The following FAAH2 variants were observed in gnomAD, a reference collection of about 807,000 sequenced individuals.
The protein encoded by FAAH2 is fatty acid amide hydrolase 2, also known as fatty-acid amide hydrolase 2.
In FAAH2, 60 loss-of-function variants were observed where a neutral mutation model predicts 36.9. The ratio of observed to expected loss-of-function variants is 1.63; its 90% CI spans 1.32 to 2.02. The LOEUF (loss-of-function observed/expected upper bound fraction) is 2.02, where lower values mean the gene tolerates loss of function less well. Ranked by LOEUF, FAAH2 falls within the 30% of genes most tolerant of loss-of-function variation. The pLI, the probability that FAAH2 is intolerant of heterozygous loss-of-function variation, is 0.00. For synonymous variants in FAAH2, 214 were observed against 143.8 expected (o/e 1.49, Z -3.49); for missense variants, 689 against 397.5 (o/e 1.73, Z -6.23).
intron 5 of FAAH2, among the ~76,000 whole-genome samples, chrX:57,358,280 T>A: frequency 9.0e-6 from 1 of 111,053 alleles, no homozygotes. Flanking sequence ...GGCACAATAC[T>A]TTACAGCAGA....
the FAAH2 span, among the ~76,000 whole-genome samples, chrX:57,152,267 G>A: frequency 8.9e-6 from 1 of 112,282 alleles, no homozygotes; most frequent in African/African-American, 3.2e-5. Flanking sequence ...CCGGCTGCGT[G>A]CTGGGAGAAC....
chrX:57,417,770 C>T (rs1472258408), intron 7 of FAAH2, among the ~76,000 whole-genome samples: 1 of 112,074 alleles, frequency 8.9e-6, no homozygotes, highest in East Asian at 2.8e-4. Flanking sequence ...TCTGGGAGAT[C>T]TGCTGCTCTC....
At chrX:57,334,546 G>A (rs2053495820) in intron 4 of FAAH2, among the ~76,000 whole-genome samples, 1 of 110,273 alleles carries the variant, frequency 9.1e-6, no homozygotes, top group African/African-American at 3.3e-5. Context: ...GAGAAAGATT[G>A]AACAAAGGTA....
intron 7 of FAAH2, among the ~76,000 whole-genome samples, chrX:57,387,461 A>AT (rs2055054157): frequency 9.0e-6 from 1 of 111,472 alleles, no homozygotes. Context: ...CAATAACCAG[A>AT]TAAAAAGTAG....
At chrX:57,316,098 T>A (rs1376009553) in intron 3 of FAAH2, among the ~76,000 whole-genome samples, 2 of 110,915 alleles carry the variant, frequency 1.8e-5, no homozygotes, top group Non-Finnish European at 3.8e-5. Context: ...TATAATGATG[T>A]CCTGGTTGAG....
At chrX:57,248,753 C>CAA in the FAAH2 span, among the ~76,000 whole-genome samples, 1,095 of 14,473 alleles carry the variant, frequency 0.076, 119 homozygotes, top group African/African-American at 0.083. Context: ...AGCTCCGTCT[C>CAA]AAAAAAAAAA....
chrX:57,299,583 A>T (rs1175280120), intron 2 of FAAH2, among the ~76,000 whole-genome samples: 1 of 112,057 alleles, frequency 8.9e-6, no homozygotes, highest in Non-Finnish European at 1.9e-5. Context: ...CCTATTCAAC[A>T]TAGTGTTGGA....
At chrX:57,434,082 GA>G (rs1415342625) in intron 8 of FAAH2, among the ~76,000 whole-genome samples, 8 of 103,787 alleles carry the variant, frequency 7.7e-5, no homozygotes, top group South Asian at 4.1e-4. Flanking sequence ...AAATTAAATT[GA>G]TTTTTTTTTT....
At chrX:57,303,935 G>A (rs921463252) in intron 2 of FAAH2, among the ~76,000 whole-genome samples, 6 of 111,776 alleles carry the variant, frequency 5.4e-5, no homozygotes, top group Admixed American at 9.6e-5. Flanking sequence ...GGCTGGGCGC[G>A]GTGGCTCACA....
chrX:57,415,162 T>A lies in FAAH2; in HGVS notation c.997-16756T>A, dbSNP rs1198678239. 2.7e-5 allele frequency among the ~76,000 whole-genome samples: 3 copies of A among 109,939 alleles called. No homozygotes were observed. In the South Asian group the frequency reaches 1.2e-3, roughly 43 times the overall value. On this transcript the variant is annotated intron_variant, in intron 7 of 10. Transcript: ENST00000374900. ...GCTAGCAGTCTATATATTTTGTAGA[T>A]CTGTACAAAAAAAAACAGCTCCTGG...
chrX:57,397,212 C>T (rs2055327293), intron 7 of FAAH2, among the ~76,000 whole-genome samples: 1 of 111,528 alleles, frequency 9.0e-6, no homozygotes, highest in Non-Finnish European at 1.9e-5. Flanking sequence ...GCTTTTTCAT[C>T]CAATATGCCA....
intron 7 of FAAH2, among the ~76,000 whole-genome samples, chrX:57,421,209 G>A (rs748075340): frequency 2.0e-4 from 22 of 111,963 alleles, no homozygotes; most frequent in Non-Finnish European, 3.9e-4. Context: ...ACTTTGGGAG[G>A]CCAAGGCAGG....
the FAAH2 span, among the ~76,000 whole-genome samples, chrX:57,266,935 T>G: frequency 8.9e-6 from 1 of 112,583 alleles, no homozygotes; most frequent in Non-Finnish European, 1.9e-5. Flanking sequence ...CCATTGGACC[T>G]GATCTCTGCA....
chrX:57,323,685 T>G (rs1270876707), intron 3 of FAAH2, among the ~76,000 whole-genome samples: 1 of 101,224 alleles, frequency 9.9e-6, no homozygotes, highest in Non-Finnish European at 2.0e-5. Context: ...TGGGGTTGTT[T>G]TTTTTTTTTT....
At chrX:57,419,658 A>T (rs1427040323) in intron 7 of FAAH2, among the ~76,000 whole-genome samples, 7 of 111,048 alleles carry the variant, frequency 6.3e-5, no homozygotes, top group African/African-American at 9.8e-5. Flanking sequence ...TTTTCTCCCA[A>T]TTTGTAGGTT....
chrX:57,393,723 G>C, intron 7 of FAAH2: 1 of 1,017,058 alleles, frequency 9.8e-7, no homozygotes. Flanking sequence ...GAAGTGGTGA[G>C]AGCCAGGACA....
chrX:57,257,225 A>T, the FAAH2 span, among the ~76,000 whole-genome samples: 1 of 112,243 alleles, frequency 8.9e-6, no homozygotes, highest in African/African-American at 3.2e-5. Context: ...TCATTTTATG[A>T]TAAAGACACA....
the FAAH2 span, among the ~76,000 whole-genome samples, chrX:57,133,700 C>G: frequency 1.8e-5 from 2 of 111,550 alleles, no homozygotes; most frequent in African/African-American, 6.6e-5. Flanking sequence ...GTCTAAAGTA[C>G]CTAATTAAAA....
chrX:57,189,686 G>A, the FAAH2 span, among the ~76,000 whole-genome samples: 2 of 111,648 alleles, frequency 1.8e-5, no homozygotes, highest in Non-Finnish European at 3.8e-5. Flanking sequence ...GTCCACTCCA[G>A]ACCCTATTTG....
Sources: allele counts gnomAD v4.1 joint callset (sites outside exome capture counted in the v4.1 genomes callset), GRCh38; gene constraint gnomAD v4.1.1; transcripts MANE v1.5; gene names NCBI Gene and HGNC (gene_info 2026-07-23, HGNC 2026-07-21).